DDX51: variants seen among roughly 807,000 people sequenced by gnomAD.
The protein encoded by DDX51 is ATP-dependent RNA helicase DDX51.
A neutral mutation model predicts 74.6 loss-of-function variants in DDX51; 67 were observed. The observed-to-expected ratio is 0.90, with a 90% CI of 0.74 to 1.10. The LOEUF is 1.10. Among genes scored for constraint, DDX51 ranks in the 50% least tolerant of loss-of-function variants. DDX51 has a pLI of 0.00. For synonymous variants in DDX51, 545 were observed against 402.9 expected (o/e 1.35, Z -4.22); for missense variants, 1,056 against 905.2 (o/e 1.17, Z -2.14).
chr12:132,139,232 G>T lies in DDX51; in HGVS notation c.*40C>A. Reference sequence around the variant, plus strand: ...GCACTGCTCTGGAAGGAGGGTCAGGGTGGTGAGCGTTCAGTCCCTCCGGCC... The same window carrying T: ...GCACTGCTCTGGAAGGAGGGTCAGGTTGGTGAGCGTTCAGTCCCTCCGGCC... On this transcript the variant is annotated 3_prime_UTR_variant, in exon 15 of 15. Transcript: ENST00000397333. 1 of 1,601,564 alleles carries T rather than the reference G, an allele frequency of 6.2e-7. No homozygotes were observed.
At chr12:132,142,576 C>A in intron 3 of DDX51, 152 bp downstream of exon 3, 1 of 1,463,614 alleles carries the variant, frequency 6.8e-7, no homozygotes. Flanking sequence ...ACGCCAGCCT[C>A]AGGAGACCCA....
In DDX51 at chr12:132,139,257, C is replaced by G. The variant is rs1565952528; in HGVS notation, c.*15G>C. ...GTGGTGAGCGTTCAGTCCCTCCGGC[C>G]CTCTGAGCCCCAGCCTAGGCCGCCC... On this transcript the variant is annotated 3_prime_UTR_variant, in exon 15 of 15. Transcript: ENST00000397333. The G allele has an allele frequency of 6.2e-7, 1 of 1,607,320 alleles. No homozygotes were observed.
rs1224705291 is a variant in DDX51 at position 132,142,360 on chromosome 12, C to T, written c.733G>A (p.Gly245Ser). 3.1e-6 allele frequency: 5 copies of T among 1,612,916 alleles called. No individual in the cohort carries two copies. Among genetic ancestry groups the T allele is most frequent in the Non-Finnish European group, 3.4e-6 (4 of 1,180,024 alleles). ...SAACGFLVGR[G>S]GYRPSDLCVS... ...CAGAGGTCGCTAGGCCGGTAGCCAC[C>T]TCTGCCCACCAGAAACCCACAGGCT... The change falls in exon 4 of 15, where the codon GGT (glycine) becomes AGT (serine). Residue 245 changes from glycine (G) to serine (S), a missense_variant. Gly to Ser is a moderately conservative substitution (Grantham distance 56). Coordinates refer to ENST00000397333, the MANE Select transcript of DDX51 (RefSeq NM_175066.4).
chr12:132,141,230 G>A (rs761547034), intron 8 of DDX51, 45 bp downstream of exon 8: 21 of 1,548,766 alleles, frequency 1.4e-5, no homozygotes, highest in African/African-American at 4.1e-5. Context: ...GTGTGCAGAG[G>A]ACTCTGCTCA....
chr12:132,143,661 C>T, intron 2 of DDX51, 34 bp downstream of exon 2: 1 of 1,535,260 alleles, frequency 6.5e-7, no homozygotes, highest in South Asian at 1.2e-5. Context: ...CCTACCCTCT[C>T]ACGCCGACCA....
In DDX51 at chr12:132,139,772, G is replaced by A. The variant is rs1897375586; in HGVS notation, c.1840-3C>T. On this transcript the variant is annotated splice_region_variant and splice_polypyrimidine_tract_variant and intron_variant, in intron 13 of 14. Transcript: ENST00000397333. ...AGCATTCGGAGGAATCTCCTCTCCTGGAGAGAAGCTCATGGTGGAAGGGGG... is the reference window on the plus strand; with the variant it reads ...AGCATTCGGAGGAATCTCCTCTCCTAGAGAGAAGCTCATGGTGGAAGGGGG... 1.2e-6 allele frequency: 2 copies of A among 1,613,006 alleles called. No homozygotes were observed. Among genetic ancestry groups the A allele is most frequent in the African/African-American group, 1.3e-5 (1 of 74,930 alleles).
Position 132,139,247 on chromosome 12 carries a change from TCCCTCCGG to T in DDX51, c.*17_*24del. Reference sequence around the variant, plus strand: ...GAGGGTCAGGGTGGTGAGCGTTCAGTCCCTCCGGCCCTCTGAGCCCCAGCCTAGGCCGC... The same window carrying T: ...GAGGGTCAGGGTGGTGAGCGTTCAGTCCCTCTGAGCCCCAGCCTAGGCCGC... On this transcript the variant is annotated 3_prime_UTR_variant, in exon 15 of 15. Transcript: ENST00000397333. 1 of 1,605,878 alleles carries T rather than the reference TCCCTCCGG, an allele frequency of 6.2e-7. No individual in the cohort carries two copies. Among genetic ancestry groups the T allele is most frequent in the Non-Finnish European group, 8.5e-7 (1 of 1,178,034 alleles).
Position 132,141,317 on chromosome 12 carries a change from G to A in DDX51, c.1208C>T (p.Ala403Val), listed in dbSNP as rs1897450708. The A allele has an allele frequency of 1.9e-6, 3 of 1,598,822 alleles. No individual in the cohort carries two copies. Among genetic ancestry groups the A allele is most frequent in the Admixed American group, 1.7e-5 (1 of 59,954 alleles). The change falls in exon 8 of 15, where the codon GCC becomes GTC. Residue 403 changes from alanine to valine, a missense_variant. Transcript: ENST00000397333. ...FQSEDPADPC[A>V]LLQRRQAQAV... is the part of the protein sequence containing the mutation. ...CTGGGCCTGCCTTCGCTGGAGCAGG[G>A]CACAGGGGTCCGCGGGGTCCTCGCT...
rs768309286 is a variant in DDX51 at position 132,141,536 on chromosome 12, G to A, written c.1066C>T (p.Gln356Ter). The change falls in exon 7 of 15, where the codon CAG becomes TAG. Residue 356 changes from glutamine to a stop codon, truncating the protein, a stop_gained. Coordinates refer to ENST00000397333, the MANE Select transcript of DDX51 (RefSeq NM_175066.4). LOFTEE classifies it high-confidence loss of function. ...TGCTGGAGGCTGAATCCTGGGGTCT[G>A]GTCGATGTGGTCCACCAGGCGGCCG... ...TPGRLVDHID[Q>*]TPGFSLQQLR... The A allele has an allele frequency of 5.0e-6, 8 of 1,603,592 alleles. No homozygotes were observed. The highest frequency in any genetic ancestry group is 5.9e-6 in the Non-Finnish European group (7 of 1,177,810).
chr12:132,139,786 G>A lies in DDX51; in HGVS notation c.1840-17C>T, dbSNP rs1233026502. On this transcript the variant is annotated splice_polypyrimidine_tract_variant and intron_variant, in intron 13 of 14. Transcript: ENST00000397333. ...TCTCCTCTCCTGGAGAGAAGCTCATGGTGGAAGGGGGTTCTTGGGCCAGCC... is the reference window on the plus strand; with the variant it reads ...TCTCCTCTCCTGGAGAGAAGCTCATAGTGGAAGGGGGTTCTTGGGCCAGCC... 6.2e-7 allele frequency: 1 copy of A among 1,612,978 alleles called. No individual in the cohort carries two copies.
chr12:132,141,559 C>T lies in DDX51; in HGVS notation c.1043G>A (p.Gly348Asp). ...CTGGTCGATGTGGTCCACCAGGCGG[C>T]CGGGGGTGGCTACCACGATGTCAGC... ...CLADIVVATP[G>D]RLVDHIDQTP... The change falls in exon 7 of 15, where the codon GGC (glycine) becomes GAC (aspartate). Residue 348 changes from glycine to aspartate, a missense_variant. By Grantham distance (94) the Gly-to-Asp change is moderately conservative. Transcript: ENST00000397333. 6.2e-7 allele frequency: 1 copy of T among 1,604,358 alleles called. No individual in the cohort carries two copies. Among genetic ancestry groups the T allele is most frequent in the Non-Finnish European group, 8.5e-7 (1 of 1,177,372 alleles).
At position 132,141,260 on chromosome 12, in the gene DDX51, C is replaced by A. The variant is rs770087559; in HGVS notation, c.1250+15G>T. 6.3e-7 allele frequency: 1 copy of A among 1,579,912 alleles called. No homozygotes were observed. On this transcript the variant is annotated intron_variant, in intron 8 of 14. Transcript: ENST00000397333. ...TGCTCAGGGGAGGCCAGCACCTGGG[C>A]GTGCTGCTGGATACCTGGCGGCTGT...
At chr12:132,141,115 C>T (rs894493303) in intron 8 of DDX51, 95 bp from the exon 9 acceptor site, 13 of 1,504,110 alleles carry the variant, frequency 8.6e-6, no homozygotes, top group Middle Eastern at 2.3e-4. Context: ...TAGAGACTGC[C>T]GCAGACCAGG....
intron 5 of DDX51, 34 bp from the exon 6 acceptor site, chr12:132,141,990 G>C: frequency 1.2e-6 from 2 of 1,609,888 alleles, no homozygotes; most frequent in Non-Finnish European, 1.7e-6. Flanking sequence ...CCTGGAGGTA[G>C]CTGGTGTCCA....
chr12:132,141,767 C>A, intron 6 of DDX51, 83 bp downstream of exon 6: 2 of 1,518,144 alleles, frequency 1.3e-6, no homozygotes, highest in Non-Finnish European at 1.8e-6. Flanking sequence ...ATGGTGGCCC[C>A]TCCTCTGCTC....
chr12:132,140,290 G>T, intron 11 of DDX51, 91 bp from the exon 12 acceptor site: 1 of 1,561,696 alleles, frequency 6.4e-7, no homozygotes, highest in East Asian at 2.3e-5. Flanking sequence ...AGGCCTTTCT[G>T]GGAACTGGCT....
In DDX51 at chr12:132,140,995, G is replaced by A. The variant is rs749664377; in HGVS notation, c.1276C>T (p.Gln426Ter). Residue 426 changes from glutamine to a stop codon, truncating the protein, a stop_gained, in exon 9 of 15, where the codon CAG becomes TAG. Coordinates refer to ENST00000397333, the MANE Select transcript of DDX51 (RefSeq NM_175066.4). LOFTEE classifies it high-confidence loss of function. Reference sequence around the variant, plus strand: ...AGAGTAGCTGAGAAGAGCAGCTTCTGCAGGGGCATCTGGGGACAGCAGGTG... The same window carrying A: ...AGAGTAGCTGAGAAGAGCAGCTTCTACAGGGGCATCTGGGGACAGCAGGTG... ...ASTCCPQMPL[Q>*]KLLFSATLTQ... The A allele has an allele frequency of 1.2e-6, 2 of 1,603,642 alleles. No individual in the cohort carries two copies. The highest frequency in any genetic ancestry group is 1.7e-6 in the Non-Finnish European group (2 of 1,176,578).
At position 132,141,962 on chromosome 12, in the gene DDX51, G is replaced by C. The variant is rs760863787; in HGVS notation, c.889-6C>G. 6.2e-7 allele frequency: 1 copy of C among 1,612,328 alleles called. No individual in the cohort carries two copies. The highest frequency in any genetic ancestry group is 1.3e-5 in the African/African-American group (1 of 74,814). On this transcript the variant is annotated splice_region_variant and splice_polypyrimidine_tract_variant and intron_variant, in intron 5 of 14. Transcript: ENST00000397333. ...ATGTTGAAAACTTTGCTCACCTGCA[G>C]GAGAAGTCTGTCACTGGCCTGGAGG...
chr12:132,138,921 A>G lies in DDX51; in HGVS notation c.*351T>C. ...GCATGAGCCACCATGCCTGGCCAAG[A>G]GCTTGATTTTTAACATTAGCTCAAG... On this transcript the variant is annotated 3_prime_UTR_variant, in exon 15 of 15. Coordinates refer to ENST00000397333, the MANE Select transcript of DDX51 (RefSeq NM_175066.4). The G allele has an allele frequency of 3.4e-6, 1 of 293,138 alleles. No homozygotes were observed. Among genetic ancestry groups the G allele is most frequent in the Non-Finnish European group, 6.4e-6 (1 of 157,374 alleles). The allele number at this position is 293,138 out of a possible 1,614,324, so 18.2% of individuals were successfully genotyped here.
Sources: allele counts gnomAD v4.1 joint callset, GRCh38; gene constraint gnomAD v4.1.1; transcripts MANE v1.5; gene names NCBI Gene and HGNC (gene_info 2026-07-23, HGNC 2026-07-21).